Variants in PDK1 observed in about 807,000 individuals in gnomAD.
PDK1 encodes the protein pyruvate dehydrogenase kinase 1, also known as [Pyruvate dehydrogenase (acetyl-transferring)] kinase isozyme 1, mitochondrial.
A neutral mutation model predicts 54.2 loss-of-function variants in PDK1; 39 were observed. That is an observed-to-expected ratio of 0.72 (90% CI 0.56 to 0.94). The LOEUF is 0.94. PDK1 is among the 40% of genes least tolerant of loss of function. PDK1 has a pLI of 0.00. For synonymous variants in PDK1, 221 were observed against 207.1 expected (o/e 1.07, Z -0.58); for missense variants, 552 against 566.0 (o/e 0.98, Z 0.25).
In PDK1 at chr2:172,600,842, T is replaced by C. The variant is rs1369372257; in HGVS notation, c.*4873T>C. 1 of 152,230 alleles carries C rather than the reference T, an allele frequency of 6.6e-6. No individual in the cohort carries two copies. Among genetic ancestry groups the C allele is most frequent in the Non-Finnish European group, 1.5e-5 (1 of 68,068 alleles). The allele number at this position is 152,230 out of a possible 1,614,324, so 9.4% of individuals were successfully genotyped here. A position where few individuals can be genotyped will look rare whatever the true frequency, so the allele number is the denominator to read the frequency against. Reference sequence around the variant, plus strand: ...AGGCTCTTAGACTCTTATTCTATGTTGTCTTCGTCCAGCTTATCTGGAAGG... The same window carrying C: ...AGGCTCTTAGACTCTTATTCTATGTCGTCTTCGTCCAGCTTATCTGGAAGG... On this transcript the variant is annotated 3_prime_UTR_variant, in exon 11 of 11. Coordinates refer to ENST00000282077, the MANE Select transcript of PDK1 (RefSeq NM_002610.5).
At chr2:172,613,445 T>C (rs987491397), downstream of PDK1, among the ~76,000 whole-genome samples, 1 of 152,134 alleles carries the variant, frequency 6.6e-6, no homozygotes, top group Non-Finnish European at 1.5e-5. Flanking sequence ...TTATTTGACC[T>C]TTTTTGCTGC....
At chr2:172,652,148 G>A in the PDK1 span, among the ~76,000 whole-genome samples, 10 of 152,342 alleles carry the variant, frequency 6.6e-5, no homozygotes, top group Non-Finnish European at 1.3e-4. Context: ...TCCCTGGGAT[G>A]CAAGGCTGGT....
At chr2:172,618,702 ATTTG>A in the PDK1 span, among the ~76,000 whole-genome samples, 4 of 152,178 alleles carry the variant, frequency 2.6e-5, no homozygotes, top group Non-Finnish European at 4.4e-5. Flanking sequence ...AGCTGAGAAA[ATTTG>A]TTTGGGAGAG....
At chr2:172,688,226 T>G in the PDK1 span, among the ~76,000 whole-genome samples, 1 of 152,164 alleles carries the variant, frequency 6.6e-6, no homozygotes, top group Non-Finnish European at 1.5e-5. Context: ...GCTGTTGCAG[T>G]CTTTTGTGAA....
At chr2:172,632,694 G>A in the PDK1 span, among the ~76,000 whole-genome samples, 3 of 151,982 alleles carry the variant, frequency 2.0e-5, no homozygotes, top group African/African-American at 4.8e-5. Flanking sequence ...GAACATAGAT[G>A]GTTTTGGCCG....
At chr2:172,621,814 ATG>A in the PDK1 span, among the ~76,000 whole-genome samples, 16 of 133,528 alleles carry the variant, frequency 1.2e-4, no homozygotes, top group African/African-American at 2.1e-4. Context: ...TATATCTCAT[ATG>A]TATGATATAT....
the PDK1 span, among the ~76,000 whole-genome samples, chr2:172,692,854 C>T: frequency 2.0e-5 from 3 of 152,238 alleles, no homozygotes; most frequent in Non-Finnish European, 1.5e-5. Flanking sequence ...TGGGGATAAT[C>T]AGGTTATGTA....
At chr2:172,587,951 T>C (rs1690352650) in intron 9 of PDK1, among the ~76,000 whole-genome samples, 1 of 152,182 alleles carries the variant, frequency 6.6e-6, no homozygotes. Flanking sequence ...AGAGTGCTGA[T>C]TGGTATGTTT....
At chr2:172,721,601 G>A in the PDK1 span, among the ~76,000 whole-genome samples, 1 of 152,198 alleles carries the variant, frequency 6.6e-6, no homozygotes, top group Non-Finnish European at 1.5e-5. Context: ...GCCTCCCAAA[G>A]TGCTGGGATT....
At chr2:172,567,197 T>C (rs1574476743) in intron 6 of PDK1, among the ~76,000 whole-genome samples, 1 of 152,344 alleles carries the variant, frequency 6.6e-6, no homozygotes, top group East Asian at 1.9e-4. Flanking sequence ...ATTTTCTGTT[T>C]AGTCATAGAA....
chr2:172,583,580 A>G (rs908860630), intron 8 of PDK1, among the ~76,000 whole-genome samples: 3 of 152,054 alleles, frequency 2.0e-5, no homozygotes, highest in East Asian at 1.9e-4. Flanking sequence ...GGTGTAAGCC[A>G]CCACACCCAG....
the PDK1 span, among the ~76,000 whole-genome samples, chr2:172,702,892 T>C: frequency 6.6e-6 from 1 of 152,220 alleles, no homozygotes; most frequent in Non-Finnish European, 1.5e-5. Flanking sequence ...TTTTATGGTT[T>C]ATTCCATCTC....
chr2:172,681,259 A>G, the PDK1 span, among the ~76,000 whole-genome samples: 1 of 152,240 alleles, frequency 6.6e-6, no homozygotes, highest in East Asian at 1.9e-4. Flanking sequence ...AATCCGTATT[A>G]TTACATAATG....
At chr2:172,719,323 A>G in the PDK1 span, among the ~76,000 whole-genome samples, 20 of 152,186 alleles carry the variant, frequency 1.3e-4, no homozygotes, top group Non-Finnish European at 1.8e-4. Flanking sequence ...TCTCTTTGGT[A>G]AATGGTTAAG....
At chr2:172,645,828 T>C in the PDK1 span, among the ~76,000 whole-genome samples, 3 of 152,220 alleles carry the variant, frequency 2.0e-5, no homozygotes, top group African/African-American at 7.2e-5. Context: ...AGAAAGGATG[T>C]TTGTTGGATA....
chr2:172,687,606 C>A, the PDK1 span, among the ~76,000 whole-genome samples: 2 of 152,174 alleles, frequency 1.3e-5, no homozygotes, highest in Non-Finnish European at 2.9e-5. Flanking sequence ...CTCATCAAGG[C>A]ATGGTGGATT....
the PDK1 span, among the ~76,000 whole-genome samples, chr2:172,654,102 T>C: frequency 6.6e-6 from 1 of 152,142 alleles, no homozygotes; most frequent in Non-Finnish European, 1.5e-5. Flanking sequence ...TGGCAATCAT[T>C]AAAAAGTCAG....
chr2:172,691,964 G>C, the PDK1 span, among the ~76,000 whole-genome samples: 1 of 152,206 alleles, frequency 6.6e-6, no homozygotes, highest in Non-Finnish European at 1.5e-5. Flanking sequence ...AATATGTTTA[G>C]TCTTGTAAGA....
the PDK1 span, among the ~76,000 whole-genome samples, chr2:172,716,170 T>C: frequency 2.6e-5 from 4 of 152,212 alleles, no homozygotes; most frequent in South Asian, 2.1e-4. Flanking sequence ...GTAGAAGGCA[T>C]ACTCATTAAT....
Sources: allele counts gnomAD v4.1 joint callset (sites outside exome capture counted in the v4.1 genomes callset), GRCh38; gene constraint gnomAD v4.1.1; transcripts MANE v1.5; gene names NCBI Gene and HGNC (gene_info 2026-07-23, HGNC 2026-07-21).